Variants in ARHGAP15 observed in about 807,000 individuals in gnomAD.
The protein encoded by ARHGAP15 is rho GTPase-activating protein 15.
ARHGAP15 carries 51 observed loss-of-function variants against 63.7 expected under a neutral mutation model. That is an observed-to-expected ratio of 0.80 (90% CI 0.64 to 1.01). The LOEUF (loss-of-function observed/expected upper bound fraction) is 1.01. ARHGAP15 is among the 50% of genes least tolerant of loss of function. ARHGAP15 has a pLI of 0.00. For missense variants in ARHGAP15, 560 were observed against 564.6 expected, an observed-to-expected ratio of 0.99 and a Z score of 0.08; for synonymous variants, 191 against 193.8, an observed-to-expected ratio of 0.99 and a Z score of 0.12.
intron 6 of ARHGAP15, among the ~76,000 whole-genome samples, chr2:143,434,936 G>A (rs1457214052): frequency 6.6e-6 from 1 of 152,130 alleles, no homozygotes; most frequent in Non-Finnish European, 1.5e-5. Context: ...CTACTTAGCA[G>A]TCTGAGAGTC....
intron 6 of ARHGAP15, among the ~76,000 whole-genome samples, chr2:143,416,824 C>G (rs796598194): frequency 5.7e-5 from 2 of 35,346 alleles, no homozygotes; most frequent in African/African-American, 8.4e-5. Context: ...CCCCACCACC[C>G]CCCCACCCCC....
intron 4 of ARHGAP15, among the ~76,000 whole-genome samples, chr2:143,225,644 C>G (rs1693182434): frequency 6.6e-6 from 1 of 151,730 alleles, no homozygotes; most frequent in Non-Finnish European, 1.5e-5. Context: ...AAACAAAAAC[C>G]AGACAGCATA....
intron 12 of ARHGAP15, among the ~76,000 whole-genome samples, chr2:143,655,054 A>G (rs916596778): frequency 1.3e-5 from 2 of 152,174 alleles, no homozygotes; most frequent in Non-Finnish European, 2.9e-5. Flanking sequence ...CGATATAGCA[A>G]GACTCTCCAT....
intron 9 of ARHGAP15, among the ~76,000 whole-genome samples, chr2:143,509,332 GAA>G (rs35562461): frequency 2.1e-5 from 3 of 140,010 alleles, no homozygotes; most frequent in South Asian, 2.3e-4. Flanking sequence ...TGCCTCTTAT[GAA>G]AAAAAAAAAA....
intron 12 of ARHGAP15, among the ~76,000 whole-genome samples, chr2:143,624,506 G>A (rs970876382): frequency 6.6e-6 from 1 of 152,022 alleles, no homozygotes; most frequent in African/African-American, 2.4e-5. Flanking sequence ...ATTTAGGGTA[G>A]CCAATTTAAC....
chr2:143,536,206 G>A (rs1331755999), intron 10 of ARHGAP15, among the ~76,000 whole-genome samples: 1 of 151,878 alleles, frequency 6.6e-6, no homozygotes, highest in Non-Finnish European at 1.5e-5. Context: ...CCTACCGTCC[G>A]CCTAATCATA....
chr2:143,520,324 A>G (rs1322076865), intron 10 of ARHGAP15, among the ~76,000 whole-genome samples: 1 of 152,216 alleles, frequency 6.6e-6, no homozygotes, highest in Non-Finnish European at 1.5e-5. Flanking sequence ...TTATAAAAGC[A>G]TAATAAAAAT....
At chr2:143,153,843 T>TCCTCCTCCTCCTCC (rs1558779622) in intron 1 of ARHGAP15, among the ~76,000 whole-genome samples, 935 of 86,800 alleles carry the variant, frequency 0.011, 66 homozygotes, top group Non-Finnish European at 0.016. Flanking sequence ...CTTCTTCTTC[T>TCCTCCTCCTCCTCC]TCCTCCTCCT....
At chr2:143,603,013 T>C (rs1487441281) in intron 11 of ARHGAP15, among the ~76,000 whole-genome samples, 1 of 152,190 alleles carries the variant, frequency 6.6e-6, no homozygotes, top group Admixed American at 6.5e-5. Flanking sequence ...AAAATACTTA[T>C]TTAAACAGGT....
chr2:143,548,677 A>C (rs1270402141), intron 10 of ARHGAP15, among the ~76,000 whole-genome samples: 1 of 152,062 alleles, frequency 6.6e-6, no homozygotes, highest in Non-Finnish European at 1.5e-5. Context: ...TTTTTCAGAA[A>C]TGAATAATCA....
At chr2:143,344,114 C>T (rs1318809451) in intron 6 of ARHGAP15, 1 of 152,086 alleles carries the variant, frequency 6.6e-6, no homozygotes, top group Non-Finnish European at 1.5e-5. Flanking sequence ...ATTACTTGTT[C>T]CAAATTCCCT....
intron 11 of ARHGAP15, among the ~76,000 whole-genome samples, chr2:143,619,659 G>T (rs1698581484): frequency 6.6e-6 from 1 of 152,156 alleles, no homozygotes; most frequent in African/African-American, 2.4e-5. Flanking sequence ...CCCAATGTTG[G>T]GGGAGGGACC....
chr2:143,370,362 G>A (rs190786894), intron 6 of ARHGAP15, among the ~76,000 whole-genome samples: 2,205 of 152,168 alleles, frequency 0.014, 22 homozygotes, highest in Non-Finnish European at 0.023. Flanking sequence ...GTGGGGGAAG[G>A]GGGGAGGGAT....
intron 8 of ARHGAP15, among the ~76,000 whole-genome samples, chr2:143,457,695 T>C (rs1690729166): frequency 6.6e-6 from 1 of 151,572 alleles, no homozygotes; most frequent in Non-Finnish European, 1.5e-5. Flanking sequence ...AAATTATACA[T>C]GCAAAAATTA....
chr2:143,693,776 T>A (rs1193203787), intron 12 of ARHGAP15, among the ~76,000 whole-genome samples: 2 of 152,214 alleles, frequency 1.3e-5, no homozygotes, highest in Non-Finnish European at 2.9e-5. Context: ...TGGAGGAATC[T>A]TCTACTCCAT....
intron 12 of ARHGAP15, among the ~76,000 whole-genome samples, chr2:143,661,084 C>A (rs528128284): frequency 1.1e-4 from 17 of 152,306 alleles, no homozygotes; most frequent in African/African-American, 3.8e-4. Context: ...TCTTCAAAAC[C>A]AGCAACGTTG....
chr2:143,311,074 A>G (rs570652465), intron 6 of ARHGAP15, among the ~76,000 whole-genome samples: 2 of 152,152 alleles, frequency 1.3e-5, no homozygotes, highest in East Asian at 3.9e-4. Flanking sequence ...CATAATATGA[A>G]CATCTTAATC....
chr2:143,713,845 A>G (rs1684691291), intron 13 of ARHGAP15, among the ~76,000 whole-genome samples: 1 of 152,152 alleles, frequency 6.6e-6, no homozygotes, highest in African/African-American at 2.4e-5. Flanking sequence ...GTGGGTTCCC[A>G]TGGTCTTAGG....
chr2:143,573,345 C>G (rs1325083451), intron 11 of ARHGAP15, among the ~76,000 whole-genome samples: 4 of 152,194 alleles, frequency 2.6e-5, no homozygotes, highest in Admixed American at 1.3e-4. Flanking sequence ...AATGGTCCCT[C>G]TGCTAGAAAA....
Sources: allele counts gnomAD v4.1 joint callset (sites outside exome capture counted in the v4.1 genomes callset), GRCh38; gene constraint gnomAD v4.1.1; transcripts MANE v1.5; gene names NCBI Gene and HGNC (gene_info 2026-07-23, HGNC 2026-07-21).